The following MEIOSIN variants were observed in gnomAD, a reference collection of about 807,000 sequenced individuals.
MEIOSIN encodes the protein meiosis initiator.
In MEIOSIN, 18 loss-of-function variants were observed where a neutral mutation model predicts 23.4. The ratio of observed to expected loss-of-function variants is 0.77; its 90% confidence interval spans 0.53 to 1.14. The LOEUF (loss-of-function observed/expected upper bound fraction) is 1.14. Ranked by LOEUF, MEIOSIN falls within the 50% of genes most tolerant of loss-of-function variation. MEIOSIN has a pLI of 0.00. For synonymous variants in MEIOSIN, 187 were observed against 100.6 expected (o/e 1.86, Z -5.14); for missense variants, 428 against 242.9 (o/e 1.76, Z -5.07).
rs1405939700 is a variant in MEIOSIN at position 45,759,435 on chromosome 19, G to A, written c.1190G>A (p.Cys397Tyr). 2 of 703,460 alleles carry A rather than the reference G, an allele frequency of 2.8e-6. No homozygotes were observed. Among genetic ancestry groups the A allele is most frequent in the Non-Finnish European group, 5.2e-6 (2 of 385,074 alleles). The allele number at this position is 703,460 out of a possible 1,614,324, so 43.6% of individuals were successfully genotyped here. ...LTQAAFFEEV[C>Y]LDLESSPSAY... ...CTAGCGGCTTTCTTTGAAGAAGTGTGCTTAGATCTGGAGTCTTCACCTTCA... is the reference window on the plus strand; with the variant it reads ...CTAGCGGCTTTCTTTGAAGAAGTGTACTTAGATCTGGAGTCTTCACCTTCA... Residue 397 changes from cysteine (C) to tyrosine (Y), a missense_variant, in exon 11 of 15, where the codon TGC (cysteine) becomes TAC (tyrosine). By Grantham distance (194) the Cys-to-Tyr change is radical (BLOSUM62 -2). Transcript: ENST00000457052.
At chr19:45,749,373 CAAA>C (rs750228351) in intron 4 of MEIOSIN, among the ~76,000 whole-genome samples, 9 of 55,656 alleles carry the variant, frequency 1.6e-4, no homozygotes, top group Admixed American at 4.7e-4. Context: ...GACCCTGTCT[CAAA>C]AAAAAAAAAA....
Position 45,758,929 on chromosome 19 carries a change from G to T in MEIOSIN, c.1064G>T (p.Gly355Val), listed in dbSNP as rs1467423862. 4.3e-6 allele frequency: 3 copies of T among 702,976 alleles called. No individual in the cohort carries two copies. The highest frequency in any genetic ancestry group is 7.8e-6 in the Non-Finnish European group (3 of 385,032). The allele number at this position is 702,976 out of a possible 1,614,324, so 43.5% of individuals were successfully genotyped here. ...PPQIDVWSGT[G>V]HPSEILGLSP... ...CAGATTGATGTCTGGAGTGGAACAG[G>T]CCACCCAAGTGAGATCCTCGGGCTC... The change falls in exon 10 of 15, where the codon GGC (glycine) becomes GTC (valine). Residue 355 changes from glycine (G) to valine (V), a missense_variant. Coordinates refer to ENST00000457052, the MANE Select transcript of MEIOSIN (RefSeq NM_001310124.2).
At chr19:45,737,627 A>T (rs1041471118) in intron 2 of MEIOSIN, among the ~76,000 whole-genome samples, 2 of 150,848 alleles carry the variant, frequency 1.3e-5, no homozygotes, top group East Asian at 3.9e-4. Flanking sequence ...CACTATGCCC[A>T]ACTAATTAAA....
At chr19:45,762,930 T>A (rs962973076) in intron 13 of MEIOSIN, among the ~76,000 whole-genome samples, 1 of 152,130 alleles carries the variant, frequency 6.6e-6, no homozygotes, top group Non-Finnish European at 1.5e-5. Context: ...CAGGCTCGGG[T>A]CCTGTCCCCC....
At position 45,761,850 on chromosome 19, in the gene MEIOSIN, C is replaced by A; in HGVS notation, c.1417C>A (p.Leu473Met). 1 of 678,756 alleles carries A rather than the reference C, an allele frequency of 1.5e-6. No homozygotes were observed. The highest frequency in any genetic ancestry group is 2.7e-6 in the Non-Finnish European group (1 of 370,764). The allele number at this position is 678,756 out of a possible 1,614,324, so 42.0% of individuals were successfully genotyped here. A position where few individuals can be genotyped will look rare whatever the true frequency, so the allele number is the denominator to read the frequency against. ...SSSEDSDSEP[L>M]WKQREDMQAN... Reference sequence around the variant, plus strand: ...CTCGGAGGACAGCGACTCGGAGCCCCTGTGGAAGCAGCGAGAGGTGAGAGA... The same window carrying A: ...CTCGGAGGACAGCGACTCGGAGCCCATGTGGAAGCAGCGAGAGGTGAGAGA... The change falls in exon 12 of 15, where the codon CTG becomes ATG. Residue 473 changes from leucine to methionine, a missense_variant. Physicochemically the swap from Leu to Met is conservative, Grantham distance 15. Coordinates refer to ENST00000457052, the MANE Select transcript of MEIOSIN (RefSeq NM_001310124.2).
chr19:45,753,995 T>G (rs897911262), intron 6 of MEIOSIN, among the ~76,000 whole-genome samples: 2 of 152,090 alleles, frequency 1.3e-5, no homozygotes, highest in Non-Finnish European at 2.9e-5. Context: ...TCAGTATTTT[T>G]TTTTTGAGAG....
intron 3 of MEIOSIN, 82 bp from the exon 4 acceptor site, chr19:45,745,110 T>C (rs1400321575): frequency 1.4e-5 from 10 of 691,770 alleles, no homozygotes; most frequent in Non-Finnish European, 2.6e-5. Context: ...CTAAAATGAG[T>C]AACACAGACA....
At chr19:45,745,818 C>T (rs949389502) in intron 4 of MEIOSIN, among the ~76,000 whole-genome samples, 1 of 152,150 alleles carries the variant, frequency 6.6e-6, no homozygotes, top group East Asian at 1.9e-4. Flanking sequence ...GCGATCCATC[C>T]GCCTTGGCCT....
rs963774983 is a variant in MEIOSIN, at chr19:45,753,807, G to A, written c.556+19G>A. 4 of 697,024 alleles carry A rather than the reference G, an allele frequency of 5.7e-6. No homozygotes were observed. Among genetic ancestry groups the A allele is most frequent in the Non-Finnish European group, 1.0e-5 (4 of 382,258 alleles). 43.2% of individuals were successfully genotyped at this position (697,024 alleles called of 1,614,324 possible). On this transcript the variant is annotated intron_variant, in intron 6 of 14. Transcript: ENST00000457052. ...GCATCAGGTACAAGCTGTCACTGGA[G>A]GCAGAACTAGAAGCCCAGGTCACCC...
chr19:45,743,137 G>A (rs1356061311), intron 3 of MEIOSIN, among the ~76,000 whole-genome samples: 1 of 152,082 alleles, frequency 6.6e-6, no homozygotes, highest in Non-Finnish European at 1.5e-5. Context: ...CAAGACATTG[G>A]GATTCCCATC....
At chr19:45,763,723 G>A (rs1007332614) in intron 14 of MEIOSIN, among the ~76,000 whole-genome samples, 2 of 152,014 alleles carry the variant, frequency 1.3e-5, no homozygotes, top group South Asian at 2.1e-4. Context: ...TGGCCACCTC[G>A]ACTCCCCCGA....
At chr19:45,742,404 C>T (rs1240774095) in intron 3 of MEIOSIN, among the ~76,000 whole-genome samples, 1 of 151,936 alleles carries the variant, frequency 6.6e-6, no homozygotes, top group East Asian at 1.9e-4. Flanking sequence ...TGCTGGAGCC[C>T]AGGAGTTTGA....
At position 45,756,403 on chromosome 19, in the gene MEIOSIN, T is replaced by TA. The variant is rs1363343821; in HGVS notation, c.911+326dup. ...AAAGCCCTTCCTCAGGCCTGCAGCA[T>TA]AGAGTCCAATATTTTTGTTTGTTTG... On this transcript the variant is annotated intron_variant, in intron 8 of 14. Coordinates refer to ENST00000457052, the MANE Select transcript of MEIOSIN (RefSeq NM_001310124.2). 5.9e-5 allele frequency among the ~76,000 whole-genome samples: 9 copies of TA among 152,158 alleles called. No individual in the cohort carries two copies. The South Asian group carries it at 1.9e-3, about 32-fold the overall frequency.
chr19:45,754,368 A>G (rs1968773573), intron 6 of MEIOSIN, 111 bp from the exon 7 acceptor site: 3 of 610,538 alleles, frequency 4.9e-6, no homozygotes, highest in Non-Finnish European at 8.8e-6. Flanking sequence ...TTCCCATACC[A>G]GGCCAGGCAT....
At chr19:45,759,611 C>T (rs1468858599) in intron 11 of MEIOSIN, 121 bp downstream of exon 11, 1 of 643,052 alleles carries the variant, frequency 1.6e-6, no homozygotes, top group African/African-American at 1.8e-5. Context: ...CCCATCTGTC[C>T]TTCCACTCAT....
rs746013158 is a variant in MEIOSIN, at chr19:45,761,878, C to T, written c.1434+11C>T. 109 of 638,756 alleles carry T rather than the reference C, an allele frequency of 1.7e-4. No individual in the cohort carries two copies. Among genetic ancestry groups the T allele is most frequent in the African/African-American group, 1.6e-3 (90 of 55,676 alleles). The allele number at this position is 638,756 out of a possible 1,614,324, so 39.6% of individuals were successfully genotyped here. A position where few individuals can be genotyped will look rare whatever the true frequency, so the allele number is the denominator to read the frequency against. ...TGGAAGCAGCGAGAGGTGAGAGACA[C>T]GGCCGCATGCCAGGGCCAGCAGGGC... On this transcript the variant is annotated intron_variant, in intron 12 of 14. Transcript: ENST00000457052.
intron 10 of MEIOSIN, 32 bp from the exon 11 acceptor site, chr19:45,759,382 A>T (rs1600391010): frequency 1.4e-6 from 1 of 702,486 alleles, no homozygotes; most frequent in East Asian, 2.7e-5. Flanking sequence ...AAGCATTTCC[A>T]CTCTGGCTGC....
intron 4 of MEIOSIN, among the ~76,000 whole-genome samples, chr19:45,749,569 C>G (rs562033878): frequency 7.0e-6 from 1 of 141,934 alleles, no homozygotes; most frequent in South Asian, 2.4e-4. Context: ...CCCAGCTACT[C>G]GCTGAGGCAG....
At chr19:45,735,698 C>G (rs773923735) in intron 2 of MEIOSIN, among the ~76,000 whole-genome samples, 1 of 151,914 alleles carries the variant, frequency 6.6e-6, no homozygotes, top group Non-Finnish European at 1.5e-5. Flanking sequence ...ATTTTTGAGA[C>G]AGGGTTTCAC....
Sources: gnomAD v4.1 joint callset for allele counts (sites outside exome capture counted in the v4.1 genomes callset) on GRCh38, gnomAD v4.1.1 for gene constraint, MANE v1.5 for transcripts, NCBI Gene and HGNC (gene_info 2026-07-23, HGNC 2026-07-21) for gene names.